The following TSC22D1 variants were observed in gnomAD, a reference collection of about 807,000 sequenced individuals.
TSC22D1 encodes TSC22 domain family member 1, also known as TSC22 domain family protein 1.
TSC22D1 carries 9 observed loss-of-function variants against 74.2 expected under a neutral mutation model. That is an observed-to-expected ratio of 0.12 (90% CI 0.07 to 0.21). The LOEUF (loss-of-function observed/expected upper bound fraction) is 0.21. Ranked by LOEUF, TSC22D1 falls within the 10% of genes least tolerant of loss-of-function variation. TSC22D1 has a pLI of 1.00. For missense variants in TSC22D1, 1,427 were observed against 1,304.7 expected, an observed-to-expected ratio of 1.09 and a Z score of -1.44; for synonymous variants, 586 against 492.5, an observed-to-expected ratio of 1.19 and a Z score of -2.51.
At chr13:44,559,517 GA>G (rs1307231999) in intron 1 of TSC22D1, among the ~76,000 whole-genome samples, 1 of 151,694 alleles carries the variant, frequency 6.6e-6, no homozygotes, top group African/African-American at 2.4e-5. Context: ...ACACAACCAA[GA>G]AAAAAAATTA....
Position 44,575,688 on chromosome 13 carries a change from G to A in TSC22D1, c.387C>T (p.Asn129=). The A allele has an allele frequency of 6.2e-7, 1 of 1,614,204 alleles. No individual in the cohort carries two copies. The highest frequency in any genetic ancestry group is 8.5e-7 in the Non-Finnish European group (1 of 1,180,040). ...AQISASISSN[N]SIAEDTESYD... ...AGCTCTCAGTGTCCTCTGCTATACT[G>A]TTGTTAGAGCTGATACTAGCGGAGA... Residue 129 remains asparagine (N), a synonymous_variant, in exon 1 of 3, where the codon AAC becomes AAT. Coordinates refer to ENST00000458659, the MANE Select transcript of TSC22D1 (RefSeq NM_183422.4).
chr13:44,515,920 C>A (rs1211463305), intron 1 of TSC22D1, among the ~76,000 whole-genome samples: 1 of 151,890 alleles, frequency 6.6e-6, no homozygotes, highest in East Asian at 1.9e-4. Context: ...AAAGAAAAAC[C>A]ACCTCACTTC....
chr13:44,485,021 T>C (rs1437924915), intron 1 of TSC22D1, among the ~76,000 whole-genome samples: 2 of 152,108 alleles, frequency 1.3e-5, no homozygotes, highest in African/African-American at 4.8e-5. Context: ...AGAATAGATA[T>C]GTAGAGTATG....
chr13:44,453,613 T>G (rs139766768), intron 1 of TSC22D1, among the ~76,000 whole-genome samples: 5 of 152,308 alleles, frequency 3.3e-5, no homozygotes, highest in African/African-American at 7.2e-5. Flanking sequence ...CAAACTCAAG[T>G]CAGTCGGCTT....
intron 1 of TSC22D1, among the ~76,000 whole-genome samples, chr13:44,562,565 G>C (rs1006278597): frequency 4.6e-5 from 7 of 151,744 alleles, no homozygotes; most frequent in Non-Finnish European, 1.0e-4. Flanking sequence ...CTTCCTTTTT[G>C]GTAGAGACCT....
chr13:44,459,030 T>G (rs9533861), intron 1 of TSC22D1, among the ~76,000 whole-genome samples: 3,526 of 152,148 alleles, frequency 0.023, 115 homozygotes, highest in African/African-American at 0.077. Flanking sequence ...GTAGATGGCC[T>G]AAAGCCTGGG....
At position 44,555,477 on chromosome 13, in the gene TSC22D1, G is replaced by A. The variant is rs112214182; in HGVS notation, c.2912+17686C>T. Among the ~76,000 whole-genome samples, 213 of 152,152 alleles carry A rather than the reference G, an allele frequency of 1.4e-3. 5 individuals are homozygous for A. The East Asian group carries it at 0.03, about 21-fold the overall frequency. ...AAAAATAAGCTGGGTGTCGTGGCGC[G>A]AGCCTGTCATCCCAGCTACTCAGGA... On this transcript the variant is annotated intron_variant, in intron 1 of 2. Transcript: ENST00000458659.
chr13:44,434,651 G>A lies in TSC22D1; in HGVS notation c.3197C>T (p.Ser1066Leu), dbSNP rs142841831. ...CTATGCGGTTGGTCCTGAGCCCTGCGATGCTGGCTGGGCGGGGGGCTGTGT... is the reference window on the plus strand; with the variant it reads ...CTATGCGGTTGGTCCTGAGCCCTGCAATGCTGGCTGGGCGGGGGGCTGTGT... ...GTTQPPAQPASQGSGPTA is the reference protein window; with the variant it reads ...GTTQPPAQPALQGSGPTA Residue 1066 changes from serine to leucine, a missense_variant, in exon 3 of 3, where the codon TCG (serine) becomes TTG (leucine). Around this residue, in one of 3 missense-constraint regions of TSC22D1, gnomAD observed 63 missense variants for 50.5 expected, o/e 1.25. Coordinates refer to ENST00000458659, the MANE Select transcript of TSC22D1 (RefSeq NM_183422.4). 64 of 1,584,768 alleles carry A rather than the reference G, an allele frequency of 4.0e-5. 1 individual carries two copies. In the African/African-American group the frequency reaches 7.7e-4, roughly 19 times the overall value.
rs991484067 is a variant in TSC22D1 at position 44,458,919 on chromosome 13, A to T, written c.2913-22824T>A. On this transcript the variant is annotated intron_variant, in intron 1 of 2. Coordinates refer to ENST00000458659, the MANE Select transcript of TSC22D1 (RefSeq NM_183422.4). ...TGCAAACCTGCAGGCACCCCTCAGT[A>T]CGAACAGCCTGGGCACTGTGGATGG... Among the ~76,000 whole-genome samples, 10 of 152,248 alleles carry T rather than the reference A, an allele frequency of 6.6e-5. No homozygotes were observed. The South Asian group carries it at 8.3e-4, about 13-fold the overall frequency.
At chr13:44,491,441 C>T (rs1411778135) in intron 1 of TSC22D1, among the ~76,000 whole-genome samples, 4 of 151,240 alleles carry the variant, frequency 2.6e-5, no homozygotes, top group Non-Finnish European at 4.4e-5. Flanking sequence ...GTAGTCCCAG[C>T]TACTCGGGAA....
At chr13:44,472,351 AC>A (rs1877653011) in intron 1 of TSC22D1, among the ~76,000 whole-genome samples, 1 of 152,128 alleles carries the variant, frequency 6.6e-6, no homozygotes, top group African/African-American at 2.4e-5. Flanking sequence ...CTTTTGTCTC[AC>A]AACTTGAGAA....
intron 1 of TSC22D1, among the ~76,000 whole-genome samples, chr13:44,511,615 GAAAT>G (rs1263280246): frequency 9.2e-6 from 1 of 108,790 alleles, no homozygotes; most frequent in Admixed American, 1.1e-4. Flanking sequence ...TGAATAAAAA[GAAAT>G]ACACACACAC....
intron 1 of TSC22D1, chr13:44,537,032 A>G (rs1159072128): frequency 2.1e-6 from 2 of 966,922 alleles, no homozygotes; most frequent in Middle Eastern, 5.3e-4. Context: ...ATTAAAATAC[A>G]TTTAAAAATA....
intron 1 of TSC22D1, chr13:44,539,984 T>G: frequency 8.2e-7 from 1 of 1,225,746 alleles, no homozygotes; most frequent in Non-Finnish European, 1.1e-6. Context: ...TTACATTCTC[T>G]GGTCATTTGA....
intron 1 of TSC22D1, among the ~76,000 whole-genome samples, chr13:44,515,763 G>T (rs115155821): frequency 0.015 from 2,328 of 152,224 alleles, 58 homozygotes; most frequent in African/African-American, 0.053. Flanking sequence ...TTAATTGCAT[G>T]AATATGTATA....
intron 1 of TSC22D1, among the ~76,000 whole-genome samples, chr13:44,448,571 G>A (rs1875871075): frequency 6.6e-6 from 1 of 152,144 alleles, no homozygotes; most frequent in South Asian, 2.1e-4. Context: ...TCTGTGTGCT[G>A]GGGACACAGT....
intron 1 of TSC22D1, among the ~76,000 whole-genome samples, chr13:44,490,664 G>A (rs1006859036): frequency 1.3e-5 from 2 of 151,862 alleles, no homozygotes; most frequent in African/African-American, 2.4e-5. Context: ...CTGAGAGACC[G>A]AGGCGGGCAG....
chr13:44,496,287 C>T (rs1337994331), intron 1 of TSC22D1, among the ~76,000 whole-genome samples: 14 of 152,156 alleles, frequency 9.2e-5, no homozygotes, highest in Admixed American at 9.2e-4. Context: ...GTGGCTCACG[C>T]CCATAATCCC....
intron 2 of TSC22D1, 35 bp from the exon 3 acceptor site, chr13:44,434,918 T>C (rs1228140116): frequency 6.4e-7 from 1 of 1,564,560 alleles, no homozygotes; most frequent in South Asian, 1.2e-5. Context: ...AACTCATTAT[T>C]TGGTATTTTC....
Sources: gnomAD v4.1 joint callset for allele counts (sites outside exome capture counted in the v4.1 genomes callset) on GRCh38, gnomAD v4.1.1 for gene constraint, gnomAD v4.1.1 regional missense constraint, MANE v1.5 for transcripts, NCBI Gene and HGNC (gene_info 2026-07-23, HGNC 2026-07-21) for gene names.